The following NCOA1 variants were observed in gnomAD, a reference collection of about 807,000 sequenced individuals.
The protein encoded by NCOA1 is Hin-2 protein.
Under a neutral mutation model 150.9 loss-of-function variants are expected in NCOA1, and 35 were observed. That is an observed-to-expected ratio of 0.23 (90% confidence interval 0.18 to 0.31). The LOEUF is 0.31. Ranked by LOEUF, NCOA1 falls within the 10% of genes least tolerant of loss-of-function variation. NCOA1 has a pLI of 1.00. For synonymous variants in NCOA1, 590 were observed against 630.0 expected (o/e 0.94, Z 0.95); for missense variants, 1,491 against 1,749.3 (o/e 0.85, Z 2.63).
intron 2 of NCOA1, among the ~76,000 whole-genome samples, chr2:24,565,459 C>G (rs920657096): frequency 9.2e-5 from 14 of 152,112 alleles, no homozygotes; most frequent in African/African-American, 3.4e-4. Flanking sequence ...AAATATGTAT[C>G]ACTTATTACT....
intron 3 of NCOA1, among the ~76,000 whole-genome samples, chr2:24,600,910 T>C (rs1340614561): frequency 6.6e-6 from 1 of 152,220 alleles, no homozygotes. Flanking sequence ...ATTCTGTACC[T>C]CAGTTTTCGT....
chr2:24,754,066 C>T (rs781544317), intron 20 of NCOA1, among the ~76,000 whole-genome samples: 6 of 152,156 alleles, frequency 3.9e-5, no homozygotes, highest in Non-Finnish European at 5.9e-5. Flanking sequence ...ATCCCACATC[C>T]AACACATCAG....
At chr2:24,744,744 C>A (rs1401618729) in intron 19 of NCOA1, among the ~76,000 whole-genome samples, 1 of 152,118 alleles carries the variant, frequency 6.6e-6, no homozygotes, top group Non-Finnish European at 1.5e-5. Flanking sequence ...GTCCATAATC[C>A]AGCCCAGTTG....
At chr2:24,561,416 T>TA (rs1172077625) in intron 1 of NCOA1, among the ~76,000 whole-genome samples, 2 of 152,172 alleles carry the variant, frequency 1.3e-5, no homozygotes, top group Non-Finnish European at 2.9e-5. Flanking sequence ...TTCAGAGCGA[T>TA]AAAAAATGTT....
At chr2:24,764,832 C>A (rs1664965891) in intron 22 of NCOA1, among the ~76,000 whole-genome samples, 1 of 152,092 alleles carries the variant, frequency 6.6e-6, no homozygotes, top group African/African-American at 2.4e-5. Flanking sequence ...TTGAGAAGGA[C>A]AAAGATTAGA....
chr2:24,697,223 A>G (rs1672946809), intron 10 of NCOA1, among the ~76,000 whole-genome samples: 1 of 152,210 alleles, frequency 6.6e-6, no homozygotes, highest in South Asian at 2.1e-4. Flanking sequence ...TAGAAAGGAA[A>G]AGGCTTGCTT....
At chr2:24,739,372 A>G (rs937832327) in intron 17 of NCOA1, 60 bp from the exon 18 acceptor site, 7 of 1,198,106 alleles carry the variant, frequency 5.8e-6, no homozygotes, top group African/African-American at 3.0e-5. Flanking sequence ...GTGTTACTTT[A>G]TAAGGCCCGT....
intron 1 of NCOA1, among the ~76,000 whole-genome samples, chr2:24,494,074 A>AAC (rs1420005017): frequency 6.6e-6 from 1 of 152,118 alleles, no homozygotes; most frequent in Admixed American, 6.6e-5. Context: ...CTCAGAATGG[A>AAC]ATGTTCTGTG....
At chr2:24,756,234 A>G (rs1664494953) in intron 20 of NCOA1, among the ~76,000 whole-genome samples, 1 of 152,220 alleles carries the variant, frequency 6.6e-6, no homozygotes. Context: ...AGCCTGGGCA[A>G]CAAGAGTAAA....
At chr2:24,656,690 G>GT (rs757645459) in intron 4 of NCOA1, among the ~76,000 whole-genome samples, 1 of 152,092 alleles carries the variant, frequency 6.6e-6, no homozygotes, top group East Asian at 1.9e-4. Flanking sequence ...AACTTCTTTA[G>GT]TTTACACATG....
chr2:24,602,693 A>G (rs1287214410), intron 3 of NCOA1, among the ~76,000 whole-genome samples: 1 of 152,122 alleles, frequency 6.6e-6, no homozygotes, highest in African/African-American at 2.4e-5. Flanking sequence ...TTTAAATAAA[A>G]TATTCTCCAA....
chr2:24,691,077 C>G (rs749807252), intron 8 of NCOA1, among the ~76,000 whole-genome samples: 3 of 152,158 alleles, frequency 2.0e-5, no homozygotes, highest in Non-Finnish European at 4.4e-5. Context: ...CCGTGATTGC[C>G]AAGTTAAAAC....
rs1572564777 is a variant in NCOA1, at chr2:24,667,052, G to C, written c.256+1137G>C. On this transcript the variant is annotated intron_variant, in intron 6 of 22. Coordinates refer to ENST00000348332, the MANE Select transcript of NCOA1 (RefSeq NM_003743.5). ...ATTTAACATATGAGGAAATAATCTA[G>C]AGTAACAGCACAAATAACAAACAGA... Among the ~76,000 whole-genome samples the C allele has an allele frequency of 3.3e-5, 5 of 152,214 alleles. No individual in the cohort carries two copies. In the South Asian group the frequency reaches 1.0e-3, roughly 32 times the overall value.
At chr2:24,622,593 T>A (rs768860733) in intron 3 of NCOA1, among the ~76,000 whole-genome samples, 19 of 152,236 alleles carry the variant, frequency 1.2e-4, no homozygotes, top group Admixed American at 3.3e-4. Flanking sequence ...AAAAACAATA[T>A]AAGACATTGT....
In NCOA1 at chr2:24,706,965, A is replaced by G. The variant is rs1351322390; in HGVS notation, c.1495A>G (p.Thr499Ala). 2 of 1,614,222 alleles carry G rather than the reference A, an allele frequency of 1.2e-6. No individual in the cohort carries two copies. The highest frequency in any genetic ancestry group is 1.7e-5 in the Admixed American group (1 of 60,028). ...GAGACAGGTTACTTCTGGATTGGCA[A>G]CAAGGCCCAGGATGCCAAACAATTC... ...PRRQVTSGLATRPRMPNNSFP... is the reference protein window; with the variant it reads ...PRRQVTSGLAARPRMPNNSFP... The change falls in exon 13 of 23, where the codon ACA (threonine) becomes GCA (alanine). Residue 499 changes from threonine to alanine, a missense_variant. Around this residue, in one of 8 missense-constraint regions of NCOA1, gnomAD observed 703 missense variants for 717.7 expected, o/e 0.98. Transcript: ENST00000348332.
At chr2:24,552,324 TATATATATATA>T (rs1665864862) in intron 1 of NCOA1, among the ~76,000 whole-genome samples, 15 of 11,984 alleles carry the variant, frequency 1.3e-3, no homozygotes, top group Admixed American at 7.5e-3. Flanking sequence ...ATATATATTA[TATATATATATA>T]TATATATATA....
At chr2:24,498,032 A>G (rs1663298699) in intron 1 of NCOA1, among the ~76,000 whole-genome samples, 1 of 152,248 alleles carries the variant, frequency 6.6e-6, no homozygotes. Context: ...GAATGTATGT[A>G]TGTATATAAA....
chr2:24,600,284 C>T (rs1668060551), intron 3 of NCOA1, among the ~76,000 whole-genome samples: 1 of 152,180 alleles, frequency 6.6e-6, no homozygotes, highest in Non-Finnish European at 1.5e-5. Flanking sequence ...TGGCTCACTG[C>T]AACCTCTGCC....
intron 1 of NCOA1, among the ~76,000 whole-genome samples, chr2:24,516,986 A>ATATATACTTGTATATATACG (rs771456765): frequency 1.7e-5 from 1 of 59,414 alleles, no homozygotes; most frequent in African/African-American, 3.9e-5. Flanking sequence ...ACATATACGT[A>ATATATACTTGTATATATACG]TATATATACA....
Sources: allele counts gnomAD v4.1 joint callset (sites outside exome capture counted in the v4.1 genomes callset), GRCh38; gene constraint gnomAD v4.1.1; regional missense constraint gnomAD v4.1.1; transcripts MANE v1.5; gene names NCBI Gene and HGNC (gene_info 2026-07-23, HGNC 2026-07-21).